Variants in DNAJA4 observed in about 807,000 individuals in gnomAD.
The protein encoded by DNAJA4 is dnaJ homolog subfamily A member 4.
In DNAJA4, 32 loss-of-function variants were observed where a neutral mutation model predicts 39.7. The ratio of observed to expected loss-of-function variants is 0.81; its 90% confidence interval spans 0.61 to 1.08. The LOEUF (loss-of-function observed/expected upper bound fraction) is 1.08, where lower values mean the gene tolerates loss of function less well. DNAJA4 is among the 50% of genes least tolerant of loss of function. The pLI is 0.00. For missense variants in DNAJA4, 439 were observed against 505.1 expected (o/e 0.87, Z 1.25); for synonymous variants, 184 against 182.4 (o/e 1.01, Z -0.07).
intron 2 of DNAJA4, among the ~76,000 whole-genome samples, chr15:78,271,279 G>A (rs1046978271): frequency 4.6e-5 from 7 of 152,160 alleles, no homozygotes; most frequent in African/African-American, 7.2e-5. Context: ...CTGTTGTTGG[G>A]GTCAGGCACC....
In DNAJA4 at chr15:78,266,347, A is replaced by C. The variant is rs1040253278; in HGVS notation, c.132+1452A>C. 3.9e-6 allele frequency: 6 copies of C among 1,545,292 alleles called. No individual in the cohort carries two copies. In the African/African-American group the frequency reaches 8.2e-5, roughly 21 times the overall value. ...AGAGCTGAATATGCTTTTGTTCTGA[A>C]GCTTTTATTTTTAAAAAATTAGACT... On this transcript the variant is annotated intron_variant, in intron 1 of 6. Coordinates refer to ENST00000394852, the MANE Select transcript of DNAJA4 (RefSeq NM_001130182.2).
Position 78,275,729 on chromosome 15 carries a change from G to T in DNAJA4, c.877+1G>T. 1.3e-6 allele frequency: 2 copies of T among 1,594,694 alleles called. No homozygotes were observed. Among genetic ancestry groups the T allele is most frequent in the Non-Finnish European group, 1.7e-6 (2 of 1,166,378 alleles). On this transcript the variant is annotated splice_donor_variant, in intron 5 of 6. Coordinates refer to ENST00000394852, the MANE Select transcript of DNAJA4 (RefSeq NM_001130182.2). LOFTEE classifies it high-confidence loss of function. ...ATTCTTGTTATTACATCCAAAGCAG[G>T]TAATGTTTCAAAGTGTGTTTCCATT...
At position 78,279,148 on chromosome 15, in the gene DNAJA4, C is replaced by T. The variant is rs1319218661; in HGVS notation, c.878-897C>T. ...CATTGGCTTACTTTATTTTTAAAAC[C>T]TCCTCTTTAAAGATTTCCTCTTGAA... is the stretch of plus-strand genomic sequence containing the variant. On this transcript the variant is annotated intron_variant, in intron 5 of 6. Transcript: ENST00000394852. The surrounding 1 kb of genome is among the most constrained non-coding windows in gnomAD (Gnocchi z 4.5). 6.6e-6 allele frequency: 1 copy of T among 152,104 alleles called. No individual in the cohort carries two copies. The highest frequency in any genetic ancestry group is 2.4e-5 in the African/African-American group (1 of 41,408). 9.4% of individuals were successfully genotyped at this position (152,104 alleles called of 1,614,324 possible). A position where few individuals can be genotyped will look rare whatever the true frequency, so the allele number is the denominator to read the frequency against.
chr15:78,270,754 A>C, intron 2 of DNAJA4, 77 bp downstream of exon 2: 1 of 1,500,326 alleles, frequency 6.7e-7, no homozygotes, highest in Non-Finnish European at 9.0e-7. Context: ...AGGATAGATC[A>C]TGCTTTAAAA....
chr15:78,266,366 T>G, intron 1 of DNAJA4: 2 of 1,404,164 alleles, frequency 1.4e-6, no homozygotes, highest in Non-Finnish European at 2.0e-6. Context: ...TTTTAAAAAA[T>G]TAGACTTGAC....
In DNAJA4 at chr15:78,266,377, C is replaced by T. The variant is rs755838209; in HGVS notation, c.132+1482C>T. The T allele has an allele frequency of 8.5e-5, 106 of 1,245,776 alleles. No homozygotes were observed. In the Middle Eastern group the frequency reaches 1.9e-3, roughly 22 times the overall value. 77.2% of individuals were successfully genotyped at this position (1,245,776 alleles called of 1,614,324 possible). ...TTATTTTTAAAAAATTAGACTTGAC[C>T]TGTACTACATATGTGTAGGTTTCAC... On this transcript the variant is annotated intron_variant, in intron 1 of 6. Transcript: ENST00000394852.
In DNAJA4 at chr15:78,279,803, G is replaced by C. The variant is rs2049599734; in HGVS notation, c.878-242G>C. 1.7e-6 allele frequency: 1 copy of C among 574,036 alleles called. No individual in the cohort carries two copies. Among genetic ancestry groups the C allele is most frequent in the Admixed American group, 3.2e-5 (1 of 31,354 alleles). The allele number at this position is 574,036 out of a possible 1,614,324, so 35.6% of individuals were successfully genotyped here. On this transcript the variant is annotated intron_variant, in intron 5 of 6. Transcript: ENST00000394852. The surrounding 1 kb of genome is among the most constrained non-coding windows in gnomAD (Gnocchi z 4.5). ...CTACCTGTGATGGCAGCTGCACCAT[G>C]CTGCCCTCTTGACACACTGCTGGAG...
At chr15:78,271,740 G>A (rs1345449165) in intron 2 of DNAJA4, among the ~76,000 whole-genome samples, 2 of 152,152 alleles carry the variant, frequency 1.3e-5, no homozygotes, top group Non-Finnish European at 2.9e-5. Flanking sequence ...GTTGCTAATA[G>A]ACTAGTTCCC....
In DNAJA4 at chr15:78,274,435, G is replaced by A. The variant is rs370100692; in HGVS notation, c.646+11G>A. The A allele has an allele frequency of 1.8e-5, 29 of 1,612,104 alleles. No homozygotes were observed. The highest frequency in any genetic ancestry group is 1.1e-4 in the African/African-American group (8 of 74,886). On this transcript the variant is annotated intron_variant, in intron 4 of 6. Transcript: ENST00000394852. ...TACATGTTGAAAAAGGTGAGGCTGC[G>A]CAGAGCTGGTGCTCCACACGGGCTG...
intron 2 of DNAJA4, 143 bp downstream of exon 2, chr15:78,270,820 G>T: frequency 1.1e-6 from 1 of 874,586 alleles, no homozygotes; most frequent in Non-Finnish European, 1.7e-6. Flanking sequence ...CACTTTGGGA[G>T]GCCAAGGTGG....
intron 1 of DNAJA4, among the ~76,000 whole-genome samples, chr15:78,265,286 A>C (rs2049090430): frequency 6.6e-6 from 1 of 152,224 alleles, no homozygotes; most frequent in Non-Finnish European, 1.5e-5. Flanking sequence ...ACAGTTGTTT[A>C]CTTGCTGGGA....
At position 78,264,868 on chromosome 15, in the gene DNAJA4, G is replaced by A. The variant is rs201675747; in HGVS notation, c.105G>A (p.Pro35=). The A allele has an allele frequency of 1.4e-5, 23 of 1,606,026 alleles. No individual in the cohort carries two copies. The East Asian group carries it at 1.6e-4, about 11-fold the overall frequency. Residue 35 remains proline (P), a synonymous_variant, in exon 1 of 7, where the codon CCG becomes CCA. Coordinates refer to ENST00000394852, the MANE Select transcript of DNAJA4 (RefSeq NM_001130182.2). The part of the protein sequence containing the change: ...AYRKLALKYH[P]DKNPDEGEKF... ...GGAAGCTGGCGCTCAAGTACCACCC[G>A]GACAAGAACCCGGATGAGGGCGAGA...
chr15:78,271,935 A>G (rs1373209613), intron 2 of DNAJA4, among the ~76,000 whole-genome samples: 1 of 152,162 alleles, frequency 6.6e-6, no homozygotes, highest in Non-Finnish European at 1.5e-5. Context: ...TCACATTGTA[A>G]TTGACTTTGA....
chr15:78,268,445 G>A lies in DNAJA4; in HGVS notation c.133-2052G>A, dbSNP rs566264071. ...GACTTTTCTAAATTGTAGTTTTTTAGCTATTTATTAGCTATTATTATTGGT... is the reference window on the plus strand; with the variant it reads ...GACTTTTCTAAATTGTAGTTTTTTAACTATTTATTAGCTATTATTATTGGT... On this transcript the variant is annotated intron_variant, in intron 1 of 6. Transcript: ENST00000394852. Among the ~76,000 whole-genome samples the A allele has an allele frequency of 1.5e-4, 23 of 152,212 alleles. 1 individual carries two copies. The highest frequency in any genetic ancestry group is 5.5e-4 in the African/African-American group (23 of 41,524).
At chr15:78,264,264 G>T, upstream of DNAJA4, 1 of 1,296,646 alleles carries the variant, frequency 7.7e-7, no homozygotes, top group Non-Finnish European at 9.9e-7. Context: ...CGGCGGGACA[G>T]TTGTCGGAGG....
chr15:78,274,987 G>GT (rs2049409180), intron 4 of DNAJA4: 1 of 172,990 alleles, frequency 5.8e-6, no homozygotes, highest in Admixed American at 5.5e-5. Flanking sequence ...TTCCAATCCA[G>GT]TAAATATATC....
chr15:78,265,962 G>A (rs2049110489), intron 1 of DNAJA4: 1 of 585,540 alleles, frequency 1.7e-6, no homozygotes. Context: ...TTGGCTGAAT[G>A]GCAACAGTGA....
chr15:78,273,992 C>T (rs564345226), intron 3 of DNAJA4, among the ~76,000 whole-genome samples: 71 of 152,336 alleles, frequency 4.7e-4, no homozygotes, highest in African/African-American at 1.6e-3. Context: ...AAATCACAAA[C>T]GTTTGAGGTC....
At chr15:78,266,316 A>G (rs1445420324) in intron 1 of DNAJA4, 2 of 1,604,536 alleles carry the variant, frequency 1.2e-6, no homozygotes, top group Non-Finnish European at 1.7e-6. Context: ...CTCTGTGTAT[A>G]CAGTTAGAGC....
Sources: allele counts gnomAD v4.1 joint callset (sites outside exome capture counted in the v4.1 genomes callset), GRCh38; gene constraint gnomAD v4.1.1; non-coding constraint Gnocchi (gnomAD v3.1); transcripts MANE v1.5; gene names NCBI Gene and HGNC (gene_info 2026-07-23, HGNC 2026-07-21).